CDH18: variants seen among roughly 807,000 people sequenced by gnomAD.
The protein encoded by CDH18 is cadherin-18.
CDH18 carries 31 observed loss-of-function variants against 67.9 expected under a neutral mutation model. The ratio of observed to expected loss-of-function variants is 0.46; its 90% CI spans 0.34 to 0.62. The LOEUF (loss-of-function observed/expected upper bound fraction) is 0.62. Ranked by LOEUF, CDH18 falls within the 20% of genes least tolerant of loss-of-function variation. The pLI is 0.01. For synonymous variants in CDH18, 362 were observed against 347.2 expected, an observed-to-expected ratio of 1.04 and a Z score of -0.48; for missense variants, 890 against 975.5, an observed-to-expected ratio of 0.91 and a Z score of 1.17.
chr5:19,859,214 G>A (rs1433343049), intron 2 of CDH18, among the ~76,000 whole-genome samples: 3 of 152,022 alleles, frequency 2.0e-5, no homozygotes, highest in Admixed American at 6.6e-5. Flanking sequence ...GGGGTGGGAC[G>A]TGCCTCATTA....
At chr5:19,960,545 A>ATGTGTG in intron 2 of CDH18, among the ~76,000 whole-genome samples, 1 of 113,824 alleles carries the variant, frequency 8.8e-6, no homozygotes, top group East Asian at 2.5e-4. Flanking sequence ...TGTTTAATAT[A>ATGTGTG]CGTGTGTGTG....
intron 1 of CDH18, among the ~76,000 whole-genome samples, chr5:20,455,070 G>A (rs947147789): frequency 3.3e-5 from 3 of 90,062 alleles, no homozygotes; most frequent in African/African-American, 4.4e-5. Context: ...GAAGAAAACT[G>A]TGAGCAGAAA....
At chr5:19,961,778 GT>G (rs1203056177) in intron 2 of CDH18, among the ~76,000 whole-genome samples, 1 of 151,712 alleles carries the variant, frequency 6.6e-6, no homozygotes, top group Non-Finnish European at 1.5e-5. Flanking sequence ...ATATCATTTT[GT>G]TGTCCTGATT....
chr5:20,299,601 A>G (rs193114698), intron 1 of CDH18, among the ~76,000 whole-genome samples: 2,389 of 152,066 alleles, frequency 0.016, 33 homozygotes, highest in South Asian at 0.042. Flanking sequence ...TCTACTAAAA[A>G]TACAAAAATT....
At chr5:20,248,971 AC>A (rs1743596932) in intron 2 of CDH18, among the ~76,000 whole-genome samples, 1 of 152,182 alleles carries the variant, frequency 6.6e-6, no homozygotes, top group Admixed American at 6.6e-5. Context: ...GTGAGGTTAT[AC>A]AATAGGCTTA....
chr5:20,378,273 G>A (rs781099650), intron 1 of CDH18, among the ~76,000 whole-genome samples: 23 of 152,062 alleles, frequency 1.5e-4, no homozygotes, highest in Non-Finnish European at 2.5e-4. Flanking sequence ...CCGGGTTCAC[G>A]CCATTCTCCT....
chr5:20,534,671 T>C, intron 1 of CDH18, among the ~76,000 whole-genome samples: 1 of 152,028 alleles, frequency 6.6e-6, no homozygotes. Context: ...TCATATTTTT[T>C]CACCTATGCC....
chr5:20,481,208 A>G (rs1752781642), intron 1 of CDH18, among the ~76,000 whole-genome samples: 1 of 112,432 alleles, frequency 8.9e-6, no homozygotes, highest in South Asian at 2.5e-4. Context: ...TTTTTAAGCC[A>G]AAAAAAAAAA....
chr5:20,438,402 T>C (rs1749346349), intron 1 of CDH18, among the ~76,000 whole-genome samples: 1 of 151,238 alleles, frequency 6.6e-6, no homozygotes, highest in African/African-American at 2.4e-5. Flanking sequence ...TTTGGAGAGA[T>C]TGCTACCTAA....
intron 2 of CDH18, among the ~76,000 whole-genome samples, chr5:20,007,675 G>GTGTGTGTC (rs1737026067): frequency 1.4e-5 from 1 of 69,510 alleles, no homozygotes; most frequent in South Asian, 3.7e-4. Flanking sequence ...TGTGGAAAGT[G>GTGTGTGTC]TGTGTGTGTG....
chr5:20,043,052 T>C (rs1343341342), intron 2 of CDH18, among the ~76,000 whole-genome samples: 1 of 152,078 alleles, frequency 6.6e-6, no homozygotes, highest in African/African-American at 2.4e-5. Context: ...ACTGGTGACA[T>C]TTTGGATTGG....
At chr5:19,667,626 T>TTA (rs894964756) in intron 5 of CDH18, among the ~76,000 whole-genome samples, 4 of 140,958 alleles carry the variant, frequency 2.8e-5, no homozygotes, top group South Asian at 4.9e-4. Context: ...TTATAACTGA[T>TTA]TATATATATA....
intron 3 of CDH18, among the ~76,000 whole-genome samples, chr5:19,753,145 C>A (rs539591900): frequency 1.1e-4 from 17 of 152,144 alleles, no homozygotes; most frequent in Non-Finnish European, 2.4e-4. Context: ...AAAAATCCTA[C>A]TAGCTTACCA....
At chr5:19,646,663 T>C (rs1306553895) in intron 5 of CDH18, among the ~76,000 whole-genome samples, 1 of 151,992 alleles carries the variant, frequency 6.6e-6, no homozygotes, top group Admixed American at 6.6e-5. Context: ...AATAAAAAAT[T>C]AGAAGTAAGA....
rs1274098941 is a variant in CDH18, at chr5:19,608,898, ACTTAT to A, written c.811+3531_811+3535del. 2.6e-5 allele frequency among the ~76,000 whole-genome samples: 4 copies of A among 151,920 alleles called. No homozygotes were observed. In the East Asian group the frequency reaches 7.8e-4, roughly 30 times the overall value. ...TTATGCTTCTTTCTGTTACTAGATG[ACTTAT>A]CTTACAAGAGCAATCCTCAATACAA... On this transcript the variant is annotated intron_variant, in intron 6 of 12. Transcript: ENST00000382275.
intron 2 of CDH18, among the ~76,000 whole-genome samples, chr5:19,901,221 AT>A (rs1409718099): frequency 6.6e-6 from 1 of 152,114 alleles, no homozygotes; most frequent in Non-Finnish European, 1.5e-5. Flanking sequence ...AAAAGTAGAT[AT>A]TTTATTTTAC....
At chr5:20,367,630 A>G (rs1716021261) in intron 1 of CDH18, among the ~76,000 whole-genome samples, 2 of 152,364 alleles carry the variant, frequency 1.3e-5, no homozygotes, top group African/African-American at 2.4e-5. Context: ...TATATTATCC[A>G]TATGCTAATG....
At chr5:19,571,479 C>A in intron 8 of CDH18, 100 bp downstream of exon 8, 2 of 1,059,106 alleles carry the variant, frequency 1.9e-6, no homozygotes, top group Non-Finnish European at 2.7e-6. Context: ...TAGAAAACAA[C>A]GTAGAAATAA....
At chr5:19,918,374 T>G (rs1792058966) in intron 2 of CDH18, among the ~76,000 whole-genome samples, 1 of 152,164 alleles carries the variant, frequency 6.6e-6, no homozygotes, top group Admixed American at 6.6e-5. Context: ...TTAATTATTT[T>G]ATATATAAGA....
Sources: allele counts gnomAD v4.1 joint callset (sites outside exome capture counted in the v4.1 genomes callset), GRCh38; gene constraint gnomAD v4.1.1; transcripts MANE v1.5; gene names NCBI Gene and HGNC (gene_info 2026-07-23, HGNC 2026-07-21).